The following ACAT1 variants were observed in gnomAD, a reference collection of about 807,000 sequenced individuals.
ACAT1 encodes acetyl-CoA acetyltransferase 1, also known as acetyl-CoA acetyltransferase, mitochondrial.
A neutral mutation model predicts 47.3 loss-of-function variants in ACAT1; 28 were observed. The observed-to-expected ratio is 0.59, with a 90% confidence interval of 0.44 to 0.81. The LOEUF is 0.81. ACAT1 is among the 30% of genes least tolerant of loss of function. The pLI is 0.00. For missense variants in ACAT1, 469 were observed against 524.3 expected (o/e 0.89, Z 1.03); for synonymous variants, 181 against 173.6 (o/e 1.04, Z -0.34).
rs150038447 is a variant in ACAT1, at chr11:108,144,021, A to T, written c.979A>T (p.Ile327Phe). 2 of 1,366,362 alleles carry T rather than the reference A, an allele frequency of 1.5e-6. No individual in the cohort carries two copies. Among genetic ancestry groups the T allele is most frequent in the East Asian group, 4.6e-5 (1 of 21,764 alleles). 84.6% of individuals were successfully genotyped at this position (1,366,362 alleles called of 1,614,324 possible). ...TGCTGTAGAACCTATTGATTTTCCA[A>T]TTGCTCCTGTATATGCTGCATCTAT... ...DAAVEPIDFP[I>F]APVYAASMVL... Residue 327 changes from isoleucine (I) to phenylalanine (F), a missense_variant, in exon 10 of 12, where the codon ATT becomes TTT. Transcript: ENST00000265838.
intron 9 of ACAT1, chr11:108,143,165 G>A (rs1439118300): frequency 1.3e-5 from 2 of 153,094 alleles, no homozygotes; most frequent in African/African-American, 4.8e-5. Context: ...AATTAGCCAG[G>A]TGTGGTAGCA....
chr11:108,135,979 C>T (rs1200811920), intron 5 of ACAT1: 6 of 480,686 alleles, frequency 1.2e-5, no homozygotes, highest in Non-Finnish European at 2.2e-5. Context: ...ATTGCTTGAG[C>T]CCAGGCTTGA....
chr11:108,137,516 C>A (rs117187961), intron 5 of ACAT1, among the ~76,000 whole-genome samples: 3,162 of 152,296 alleles, frequency 0.021, 53 homozygotes, highest in South Asian at 0.035. Flanking sequence ...GGAAAATTAT[C>A]TCAGCTGTCC....
chr11:108,117,749 T>A (rs1864981101), upstream of ACAT1, among the ~76,000 whole-genome samples: 1 of 152,220 alleles, frequency 6.6e-6, no homozygotes, highest in Non-Finnish European at 1.5e-5. Flanking sequence ...CAAACATCTT[T>A]GTATTATAAA....
At chr11:108,131,353 A>ATTTTTTTTTTTTTTTTTTTTTTTTTTTT (rs1591359671) in intron 1 of ACAT1, among the ~76,000 whole-genome samples, 1 of 10,018 alleles carries the variant, frequency 1.0e-4, no homozygotes, top group African/African-American at 2.0e-4. Flanking sequence ...AAAGACTTGG[A>ATTTTTTTTTTTTTTTTTTTTTTTTTTTT]ATTTTTTTTT....
chr11:108,147,548 A>G lies in ACAT1; in HGVS notation c.*158A>G, dbSNP rs771809384. On this transcript the variant is annotated 3_prime_UTR_variant, in exon 12 of 12. Transcript: ENST00000265838. ...AATCAAAATGATGAAATCCCAAAAC[A>G]TTTTGAAATTAAAAATAAATTTCTT... is the stretch of plus-strand genomic sequence containing the variant. 4.2e-5 allele frequency: 42 copies of G among 1,000,188 alleles called. No homozygotes were observed. The highest frequency in any genetic ancestry group is 5.2e-5 in the Non-Finnish European group (36 of 697,382). The allele number at this position is 1,000,188 out of a possible 1,614,324, so 62.0% of individuals were successfully genotyped here. A position where few individuals can be genotyped will look rare whatever the true frequency, so the allele number is the denominator to read the frequency against.
At chr11:108,121,461 G>T, upstream of ACAT1, 1 of 918,626 alleles carries the variant, frequency 1.1e-6, no homozygotes, top group Non-Finnish European at 1.7e-6. Context: ...CCCCGCCCTT[G>T]GCTGCCGGCC....
chr11:108,145,584 C>T (rs2077688175), intron 10 of ACAT1, among the ~76,000 whole-genome samples: 1 of 152,072 alleles, frequency 6.6e-6, no homozygotes. Context: ...AACACACAAT[C>T]AGTAAAGCAG....
chr11:108,134,342 A>G, intron 4 of ACAT1, 26 bp downstream of exon 4: 1 of 1,585,848 alleles, frequency 6.3e-7, no homozygotes, highest in Non-Finnish European at 8.7e-7. Flanking sequence ...TTTTGCTTTT[A>G]TACTTAAAAT....
chr11:108,144,172 T>G, intron 10 of ACAT1, 125 bp downstream of exon 10: 1 of 1,053,622 alleles, frequency 9.5e-7, no homozygotes, highest in Admixed American at 1.9e-5. Context: ...TTTCAAATCT[T>G]CCCATGTCTT....
intron 10 of ACAT1, among the ~76,000 whole-genome samples, chr11:108,145,537 TAAATC>T (rs1222563089): frequency 2.0e-5 from 3 of 151,128 alleles, no homozygotes; most frequent in Non-Finnish European, 3.0e-5. Flanking sequence ...TGTCTCAAAA[TAAATC>T]AACAACAACA....
chr11:108,133,527 G>A (rs1202589152), intron 2 of ACAT1, among the ~76,000 whole-genome samples: 3 of 152,104 alleles, frequency 2.0e-5, no homozygotes, highest in Non-Finnish European at 2.9e-5. Flanking sequence ...AAGGTACAGT[G>A]ATCATTTCTT....
chr11:108,136,884 ATAT>A, intron 5 of ACAT1: 1 of 152,268 alleles, frequency 6.6e-6, no homozygotes, highest in South Asian at 2.1e-4. Context: ...CTGTAAGAAG[ATAT>A]TATTGGCTTT....
chr11:108,142,882 T>G, intron 9 of ACAT1: 1 of 273,586 alleles, frequency 3.7e-6, no homozygotes, highest in Non-Finnish European at 7.3e-6. Flanking sequence ...TTCATGAAAT[T>G]GAGTTTACTT....
At chr11:108,146,926 G>A (rs991420860) in intron 11 of ACAT1, among the ~76,000 whole-genome samples, 3 of 152,208 alleles carry the variant, frequency 2.0e-5, no homozygotes, top group East Asian at 1.9e-4. Context: ...CTAAAAATAC[G>A]AAAATTAGCT....
chr11:108,137,709 A>C (rs1441442440), intron 5 of ACAT1, among the ~76,000 whole-genome samples: 1 of 152,136 alleles, frequency 6.6e-6, no homozygotes, highest in Non-Finnish European at 1.5e-5. Context: ...TGGGAGGCTG[A>C]GGTGGGCGGA....
Position 108,139,052 on chromosome 11 carries a change from T to G in ACAT1, c.579+11T>G. 6.2e-7 allele frequency: 1 copy of G among 1,613,990 alleles called. No individual in the cohort carries two copies. Among genetic ancestry groups the G allele is most frequent in the Non-Finnish European group, 8.5e-7 (1 of 1,179,858 alleles). ...AATAAAATTCATATGGTAAATGTGA[T>G]TTTTAGTGGATAAATGCTATCTAAT... On this transcript the variant is annotated intron_variant, in intron 6 of 11. Coordinates refer to ENST00000265838, the MANE Select transcript of ACAT1 (RefSeq NM_000019.4).
intron 7 of ACAT1, among the ~76,000 whole-genome samples, chr11:108,141,239 G>A (rs1308494562): frequency 6.6e-6 from 1 of 151,818 alleles, no homozygotes; most frequent in Admixed American, 6.6e-5. Flanking sequence ...AACAAAATTA[G>A]CTGGCTGTGG....
At position 108,138,892 on chromosome 11, in the gene ACAT1, G is replaced by A; in HGVS notation, c.436-6G>A. 6.2e-7 allele frequency: 1 copy of A among 1,614,134 alleles called. No individual in the cohort carries two copies. The highest frequency in any genetic ancestry group is 8.5e-7 in the Non-Finnish European group (1 of 1,180,020). On this transcript the variant is annotated splice_polypyrimidine_tract_variant and splice_region_variant and intron_variant, in intron 5 of 11. Coordinates refer to ENST00000265838, the MANE Select transcript of ACAT1 (RefSeq NM_000019.4). ...AACATTGGGTTTTTCTGGTGTTTCTGCGCAGGATGTGATGGTGGCAGGTGG... is the reference window on the plus strand; with the variant it reads ...AACATTGGGTTTTTCTGGTGTTTCTACGCAGGATGTGATGGTGGCAGGTGG...
Sources: allele counts gnomAD v4.1 joint callset (sites outside exome capture counted in the v4.1 genomes callset), GRCh38; gene constraint gnomAD v4.1.1; transcripts MANE v1.5; gene names NCBI Gene and HGNC (gene_info 2026-07-23, HGNC 2026-07-21).